The following LRIG3 variants were observed in gnomAD, a reference collection of about 807,000 sequenced individuals.
The protein encoded by LRIG3 is leucine rich repeats and immunoglobulin like domains 3, also known as leucine-rich repeats and immunoglobulin-like domains protein 3.
In LRIG3, 76 loss-of-function variants were observed where a neutral mutation model predicts 114.5. The observed-to-expected ratio is 0.66, with a 90% CI of 0.55 to 0.80. LRIG3 has a LOEUF of 0.80. Among genes scored for constraint, LRIG3 ranks in the 30% least tolerant of loss-of-function variants. The probability of loss-of-function intolerance (pLI) is 0.00; values close to 1 mark genes in which losing one functional copy is unlikely to be tolerated. For missense variants in LRIG3, 1,239 were observed against 1,382.8 expected (o/e 0.90, Z 1.65); for synonymous variants, 512 against 519.8 (o/e 0.98, Z 0.20).
chr12:58,913,827 G>C (rs1183674627), intron 3 of LRIG3, 155 bp downstream of exon 3: 6 of 601,952 alleles, frequency 1.0e-5, no homozygotes, highest in African/African-American at 9.4e-5. Flanking sequence ...TTAGAGGCTA[G>C]AAAACAAGTT....
intron 14 of LRIG3, among the ~76,000 whole-genome samples, chr12:58,878,433 G>A (rs979539461): frequency 6.6e-6 from 1 of 152,068 alleles, no homozygotes; most frequent in Non-Finnish European, 1.5e-5. Context: ...GGTATGGTAG[G>A]CTGAGAAAAG....
intron 3 of LRIG3, among the ~76,000 whole-genome samples, chr12:58,910,459 T>C: frequency 6.6e-6 from 1 of 151,886 alleles, no homozygotes; most frequent in Non-Finnish European, 1.5e-5. Flanking sequence ...AATACAAAAA[T>C]TAACTGGGCG....
chr12:58,880,832 C>A lies in LRIG3; in HGVS notation c.1550G>T (p.Ser517Ile). The change falls in exon 13 of 19, where the codon AGT becomes ATT. Residue 517 changes from serine to isoleucine, a missense_variant. Physicochemically the swap from Ser to Ile is moderately radical, Grantham distance 142. Coordinates refer to ENST00000320743, the MANE Select transcript of LRIG3 (RefSeq NM_153377.5). ...TQSAIKGSNL[S>I]FICSAASSSD... ...GCTGCTGGCAGCTGAGCAGATGAAA[C>A]TCAAATTGGAACCTTTTATTGCCGA... 1 of 1,614,182 alleles carries A rather than the reference C, an allele frequency of 6.2e-7. No homozygotes were observed. The highest frequency in any genetic ancestry group is 8.5e-7 in the Non-Finnish European group (1 of 1,180,036).
chr12:58,907,202 TGAAAG>T (rs1401939985), intron 3 of LRIG3, among the ~76,000 whole-genome samples: 1 of 152,170 alleles, frequency 6.6e-6, no homozygotes, highest in Admixed American at 6.5e-5. Flanking sequence ...CAGAGCACCT[TGAAAG>T]TGGAGGCCAA....
At chr12:58,918,714 TG>T (rs1872564581) in intron 1 of LRIG3, among the ~76,000 whole-genome samples, 2 of 152,218 alleles carry the variant, frequency 1.3e-5, no homozygotes, top group South Asian at 4.1e-4. Context: ...CACAACTAAT[TG>T]AAAGTCTCCC....
At position 58,889,894 on chromosome 12, in the gene LRIG3, C is replaced by T. The variant is rs1383659308; in HGVS notation, c.659+102G>A. ...CTCTCAAAGGAAAGGCAGCTACATC[C>T]TTGCTCCTAAACTCCTTTTTGCCAC... On this transcript the variant is annotated intron_variant, in intron 5 of 18. Transcript: ENST00000320743. 5.0e-6 allele frequency: 7 copies of T among 1,412,506 alleles called. No homozygotes were observed. In the East Asian group the frequency reaches 7.0e-5, roughly 14 times the overall value. 87.5% of individuals were successfully genotyped at this position (1,412,506 alleles called of 1,614,324 possible).
At chr12:58,886,459 G>T (rs965145892) in intron 9 of LRIG3, among the ~76,000 whole-genome samples, 1 of 150,724 alleles carries the variant, frequency 6.6e-6, no homozygotes, top group Non-Finnish European at 1.5e-5. Context: ...AAATTCCTAC[G>T]GGGACAGTAC....
At chr12:58,904,620 G>A (rs1871991679) in intron 3 of LRIG3, among the ~76,000 whole-genome samples, 1 of 152,172 alleles carries the variant, frequency 6.6e-6, no homozygotes, top group Non-Finnish European at 1.5e-5. Flanking sequence ...TGCCCAAAAT[G>A]GGTCATTGTC....
intron 3 of LRIG3, among the ~76,000 whole-genome samples, chr12:58,893,988 C>A (rs1302970171): frequency 1.3e-5 from 2 of 152,150 alleles, no homozygotes; most frequent in Non-Finnish European, 2.9e-5. Context: ...GGCAGGGAGG[C>A]CCACAGGTGT....
chr12:58,891,516 T>C (rs1284243277), intron 3 of LRIG3, among the ~76,000 whole-genome samples: 1 of 152,218 alleles, frequency 6.6e-6, no homozygotes, highest in Non-Finnish European at 1.5e-5. Flanking sequence ...TTCCTTCTTC[T>C]TGATTCCTAA....
chr12:58,916,221 A>G (rs903010732), intron 1 of LRIG3, among the ~76,000 whole-genome samples: 5 of 152,022 alleles, frequency 3.3e-5, no homozygotes, highest in African/African-American at 7.2e-5. Context: ...AAAATAAGAA[A>G]CTCCCTTCAG....
intron 3 of LRIG3, among the ~76,000 whole-genome samples, chr12:58,904,282 T>C (rs1243527776): frequency 6.6e-6 from 1 of 151,882 alleles, no homozygotes; most frequent in East Asian, 1.9e-4. Context: ...GGGGGAAAAA[T>C]AACTAGGCCA....
chr12:58,872,779 A>T lies in LRIG3; in HGVS notation c.3153T>A (p.Asp1051Glu), dbSNP rs1169769187. ...FGKALRRPHL[D>E]AYSSFGQPSD... ...ATGGCTGTCCAAAGCTTGAATAGGC[A>T]TCTAGGTGAGGTCTCCTGAGAGCTT... Residue 1051 changes from aspartate to glutamate, a missense_variant, in exon 19 of 19, where the codon GAT becomes GAA. Coordinates refer to ENST00000320743, the MANE Select transcript of LRIG3 (RefSeq NM_153377.5). 1 of 1,613,952 alleles carries T rather than the reference A, an allele frequency of 6.2e-7. No individual in the cohort carries two copies. The highest frequency in any genetic ancestry group is 8.5e-7 in the Non-Finnish European group (1 of 1,179,924).
rs1427545363 is a variant in LRIG3, at chr12:58,920,076, G to C, written c.160C>G (p.Leu54Val). Reference sequence around the variant, plus strand: ...CGACTGCAGTCCAGCAGGTCCCCGAGGCAGCGGCAGGTAGTGGGGCATGGG... The same window carrying C: ...CGACTGCAGTCCAGCAGGTCCCCGACGCAGCGGCAGGTAGTGGGGCATGGG... ...ERPCPTTCRC[L>V]GDLLDCSRKR... The change falls in exon 1 of 19, where the codon CTC (leucine) becomes GTC (valine). Residue 54 changes from leucine to valine, a missense_variant. By Grantham distance (32) the Leu-to-Val change is conservative. Coordinates refer to ENST00000320743, the MANE Select transcript of LRIG3 (RefSeq NM_153377.5). 3.2e-6 allele frequency: 5 copies of C among 1,556,400 alleles called. No homozygotes were observed. The highest frequency in any genetic ancestry group is 1.2e-5 in the South Asian group (1 of 84,632).
chr12:58,880,947 G>C, intron 12 of LRIG3, 46 bp from the exon 13 acceptor site: 1 of 1,555,738 alleles, frequency 6.4e-7, no homozygotes. Context: ...TAAGGCTCAA[G>C]AGTCCAAATA....
At chr12:58,898,771 G>A (rs1056583014) in intron 3 of LRIG3, among the ~76,000 whole-genome samples, 2 of 152,048 alleles carry the variant, frequency 1.3e-5, no homozygotes, top group Non-Finnish European at 2.9e-5. Context: ...CAATTCTCCA[G>A]CCTCAGCCTC....
intron 3 of LRIG3, among the ~76,000 whole-genome samples, chr12:58,908,412 C>T (rs772868709): frequency 3.9e-5 from 6 of 152,044 alleles, no homozygotes; most frequent in Non-Finnish European, 8.8e-5. Context: ...GCACAGGGGC[C>T]GTGAAAAAGC....
Position 58,877,760 on chromosome 12 carries a change from G to C in LRIG3, c.2176C>G (p.Pro726Ala), listed in dbSNP as rs1453343084. 1.2e-5 allele frequency: 19 copies of C among 1,614,042 alleles called. No individual in the cohort carries two copies. Among genetic ancestry groups the C allele is most frequent in the Non-Finnish European group, 1.5e-5 (18 of 1,180,036 alleles). ...TCATCTTTGGTCCAGTTCAGTTTAGGGGGAGGGCTTCCTCCAGCAATGCAC... is the reference window on the plus strand; with the variant it reads ...TCATCTTTGGTCCAGTTCAGTTTAGCGGGAGGGCTTCCTCCAGCAATGCAC... ...LQCIAGGSPP[P>A]KLNWTKDDSP... Residue 726 changes from proline to alanine, a missense_variant, in exon 15 of 19, where the codon CCT (proline) becomes GCT (alanine). Coordinates refer to ENST00000320743, the MANE Select transcript of LRIG3 (RefSeq NM_153377.5).
Position 58,874,102 on chromosome 12 carries a change from C to G in LRIG3, c.3068G>C (p.Ser1023Thr). The G allele has an allele frequency of 6.2e-7, 1 of 1,614,192 alleles. No individual in the cohort carries two copies. Among genetic ancestry groups the G allele is most frequent in the South Asian group, 1.1e-5 (1 of 91,084 alleles). The change falls in exon 18 of 19, where the codon AGT becomes ACT. Residue 1023 changes from serine to threonine, a missense_variant. By Grantham distance (58) the Ser-to-Thr change is moderately conservative (BLOSUM62 1). Coordinates refer to ENST00000320743, the MANE Select transcript of LRIG3 (RefSeq NM_153377.5). ...AACCGACGCTGGCTCTGGATTTGCA[C>G]TAAAATCTAAAGAGGACTTGTTTAG... ...LCLNKSSLDF[S>T]ANPEPASVAS...
Sources: allele counts gnomAD v4.1 joint callset (sites outside exome capture counted in the v4.1 genomes callset), GRCh38; gene constraint gnomAD v4.1.1; transcripts MANE v1.5; gene names NCBI Gene and HGNC (gene_info 2026-07-23, HGNC 2026-07-21).